SGCD: variants seen among roughly 807,000 people sequenced by gnomAD.
The protein encoded by SGCD is delta-sarcoglycan.
SGCD carries 18 observed loss-of-function variants against 36.6 expected under a neutral mutation model. The ratio of observed to expected loss-of-function variants is 0.49; its 90% CI spans 0.34 to 0.73. The LOEUF (loss-of-function observed/expected upper bound fraction) is 0.73, where lower values mean the gene tolerates loss of function less well. Ranked by LOEUF, SGCD falls within the 30% of genes least tolerant of loss-of-function variation. SGCD has a pLI of 0.01. For missense variants in SGCD, 387 were observed against 346.7 expected (o/e 1.12, Z -0.92); for synonymous variants, 133 against 130.6 (o/e 1.02, Z -0.12).
intron 4 of SGCD, among the ~76,000 whole-genome samples, chr5:156,547,960 C>T (rs1758646921): frequency 6.6e-6 from 1 of 152,176 alleles, no homozygotes; most frequent in East Asian, 1.9e-4. Context: ...TTTGGTAGCA[C>T]ACAGGGTCAT....
chr5:156,515,366 G>C (rs1321203250), intron 4 of SGCD, among the ~76,000 whole-genome samples: 2 of 152,200 alleles, frequency 1.3e-5, no homozygotes, highest in East Asian at 1.9e-4. Flanking sequence ...GAGGGGTCAA[G>C]ATGGTTGATT....
intron 3 of SGCD, among the ~76,000 whole-genome samples, chr5:156,301,029 C>T (rs1377370269): frequency 2.0e-5 from 3 of 151,860 alleles, no homozygotes; most frequent in African/African-American, 7.2e-5. Flanking sequence ...TTGTAGGCAA[C>T]ATAAATCTAT....
the SGCD span, among the ~76,000 whole-genome samples, chr5:155,823,294 C>G: frequency 8.7e-6 from 1 of 114,722 alleles, no homozygotes; most frequent in Non-Finnish European, 1.7e-5. Flanking sequence ...CCAGGTCAAA[C>G]AGTGAAGCAG....
chr5:156,666,886 G>A (rs1753064680), intron 7 of SGCD, among the ~76,000 whole-genome samples: 1 of 151,968 alleles, frequency 6.6e-6, no homozygotes, highest in Non-Finnish European at 1.5e-5. Flanking sequence ...TTTCCCCACA[G>A]CAGTGAGTTG....
chr5:156,179,239 T>G (rs1031023320), intron 3 of SGCD, among the ~76,000 whole-genome samples: 1 of 152,178 alleles, frequency 6.6e-6, no homozygotes. Flanking sequence ...CAAAAATGAT[T>G]TTCTATCTGT....
intron 7 of SGCD, among the ~76,000 whole-genome samples, chr5:156,753,723 A>G (rs940707542): frequency 5.3e-5 from 8 of 152,174 alleles, no homozygotes; most frequent in Non-Finnish European, 1.0e-4. Context: ...GAAGGGGGAA[A>G]GCCTCTTATA....
At chr5:155,830,892 C>T in the SGCD span, among the ~76,000 whole-genome samples, 6 of 152,096 alleles carry the variant, frequency 3.9e-5, no homozygotes, top group South Asian at 1.2e-3. Flanking sequence ...TTTCTTTTTG[C>T]TTCTTTACTA....
chr5:156,676,238 G>A (rs1002891420), intron 7 of SGCD, among the ~76,000 whole-genome samples: 1 of 152,076 alleles, frequency 6.6e-6, no homozygotes. Context: ...ATGTGGCTTG[G>A]GTAGACTTTT....
At chr5:156,245,791 A>T in intron 3 of SGCD, among the ~76,000 whole-genome samples, 1 of 152,020 alleles carries the variant, frequency 6.6e-6, no homozygotes, top group East Asian at 1.9e-4. Flanking sequence ...GGAAGAGAAA[A>T]TTTTTTCAAA....
At chr5:155,916,755 C>A (rs1756751023) in intron 1 of SGCD, among the ~76,000 whole-genome samples, 1 of 152,202 alleles carries the variant, frequency 6.6e-6, no homozygotes, top group African/African-American at 2.4e-5. Context: ...TTTAGAGTGA[C>A]AGTAACAGTA....
At position 156,163,894 on chromosome 5, in the gene SGCD, G is replaced by A. The variant is rs745453187; in HGVS notation, c.-44+39875G>A. Among the ~76,000 whole-genome samples the A allele has an allele frequency of 9.3e-5, 14 of 150,830 alleles. 1 individual carries two copies. Among genetic ancestry groups the A allele is most frequent in the Non-Finnish European group, 1.3e-4 (9 of 67,950 alleles). On this transcript the variant is annotated intron_variant, in intron 3 of 9. Transcript: ENST00000517913. ...AAAAATTAGCCAGGCGTGGTGGCAC[G>A]CGCCTGTAGTCCCAGCTACTCGGGA...
chr5:156,641,731 G>A (rs150564589), intron 6 of SGCD, among the ~76,000 whole-genome samples: 1 of 152,206 alleles, frequency 6.6e-6, no homozygotes, highest in East Asian at 1.9e-4. Flanking sequence ...CTCCTCCCGT[G>A]GGCCCTGTGA....
the SGCD span, among the ~76,000 whole-genome samples, chr5:155,857,282 C>T: frequency 6.6e-6 from 1 of 152,158 alleles, no homozygotes; most frequent in African/African-American, 2.4e-5. Flanking sequence ...TGCCATGTAA[C>T]TCAGTCATTC....
At chr5:155,767,977 T>C in the SGCD span, among the ~76,000 whole-genome samples, 1 of 152,174 alleles carries the variant, frequency 6.6e-6, no homozygotes, top group Non-Finnish European at 1.5e-5. Context: ...TATAGAATTG[T>C]ATAGAGAGAA....
chr5:155,942,706 G>T (rs543054525), intron 1 of SGCD, among the ~76,000 whole-genome samples: 31 of 152,068 alleles, frequency 2.0e-4, no homozygotes, highest in Non-Finnish European at 3.8e-4. Flanking sequence ...CAGAGGAACA[G>T]AACACAGATA....
At chr5:156,406,825 C>T (rs199896189) in intron 3 of SGCD, among the ~76,000 whole-genome samples, 26,903 of 84,314 alleles carry the variant, frequency 0.32, 4,830 homozygotes, top group African/African-American at 0.43. Flanking sequence ...TATATACACA[C>T]ACACACACAC....
chr5:156,176,961 C>G (rs949179839), intron 3 of SGCD, among the ~76,000 whole-genome samples: 1 of 152,216 alleles, frequency 6.6e-6, no homozygotes, highest in African/African-American at 2.4e-5. Flanking sequence ...ATTTGAATGC[C>G]AGCTCTAAAA....
At chr5:156,146,073 C>T (rs982791665) in intron 3 of SGCD, among the ~76,000 whole-genome samples, 2 of 151,856 alleles carry the variant, frequency 1.3e-5, no homozygotes, top group East Asian at 1.9e-4. Context: ...ATTAGCTGGG[C>T]GTAGTTGTGG....
chr5:156,287,555 G>T (rs557281852), intron 3 of SGCD, among the ~76,000 whole-genome samples: 1 of 151,976 alleles, frequency 6.6e-6, no homozygotes, highest in South Asian at 2.1e-4. Flanking sequence ...TTTGATTCTG[G>T]ATTCTGACTC....
Sources: gnomAD v4.1 joint callset for allele counts (sites outside exome capture counted in the v4.1 genomes callset) on GRCh38, gnomAD v4.1.1 for gene constraint, MANE v1.5 for transcripts, NCBI Gene and HGNC (gene_info 2026-07-23, HGNC 2026-07-21) for gene names.